Variants in ADCK1 observed in about 807,000 individuals in gnomAD.
The protein encoded by ADCK1 is aarF domain containing kinase 1.
Under a neutral mutation model 52.3 loss-of-function variants are expected in ADCK1, and 41 were observed. That is an observed-to-expected ratio of 0.78 (90% CI 0.61 to 1.02). ADCK1 has a LOEUF of 1.02. Ranked by LOEUF, ADCK1 falls within the 50% of genes least tolerant of loss-of-function variation. The probability of loss-of-function intolerance (pLI) is 0.00; values close to 1 mark genes in which losing one functional copy is unlikely to be tolerated. For missense variants in ADCK1, 658 were observed against 679.5 expected, an observed-to-expected ratio of 0.97 and a Z score of 0.35; for synonymous variants, 250 against 274.6, an observed-to-expected ratio of 0.91 and a Z score of 0.89.
At chr14:77,867,137 T>C (rs1475446375) in intron 4 of ADCK1, among the ~76,000 whole-genome samples, 1 of 152,210 alleles carries the variant, frequency 6.6e-6, no homozygotes, top group Non-Finnish European at 1.5e-5. Flanking sequence ...AGGGTCCAGC[T>C]GAGGTCAGCT....
chr14:77,859,392 CA>C (rs2082495713), intron 4 of ADCK1, 113 bp downstream of exon 4: 2 of 1,054,562 alleles, frequency 1.9e-6, no homozygotes, highest in African/African-American at 3.2e-5. Flanking sequence ...GACACAAAAC[CA>C]AATGTCACAG....
At chr14:77,926,093 G>A (rs1390858597) in intron 9 of ADCK1, 132 bp downstream of exon 9, 2 of 1,076,304 alleles carry the variant, frequency 1.9e-6, no homozygotes, top group South Asian at 1.4e-5. Flanking sequence ...GGGAAGAATT[G>A]GAGCTATATT....
At chr14:77,903,483 T>C (rs1274954144) in intron 6 of ADCK1, among the ~76,000 whole-genome samples, 6 of 152,190 alleles carry the variant, frequency 3.9e-5, no homozygotes, top group Admixed American at 2.6e-4. Flanking sequence ...AATGCAAATA[T>C]GGCGTCAGGG....
At chr14:77,887,954 A>C (rs1349175988) in intron 5 of ADCK1, among the ~76,000 whole-genome samples, 1 of 151,830 alleles carries the variant, frequency 6.6e-6, no homozygotes, top group Non-Finnish European at 1.5e-5. Flanking sequence ...CTGGACTCTT[A>C]GTTTATTCTT....
In ADCK1 at chr14:77,852,909, T is replaced by TATATATA. The variant is rs56396469; in HGVS notation, c.220-6167_220-6166insATATATA. Among the ~76,000 whole-genome samples the TATATATA allele has an allele frequency of 5.6e-3, 110 of 19,662 alleles. 1 individual carries two copies. Among genetic ancestry groups the TATATATA allele is most frequent in the African/African-American group, 0.011 (43 of 4,036 alleles). 12.9% of individuals were successfully genotyped at this position (19,662 alleles called of 152,430 possible). A position where few individuals can be genotyped will look rare whatever the true frequency, so the allele number is the denominator to read the frequency against. ...TATATATATATATATATATATATAT[T>TATATATA]TTTTTTTTTTTTTTTTTTTTTTAGA... On this transcript the variant is annotated intron_variant, in intron 3 of 10. Transcript: ENST00000238561.
chr14:77,880,750 C>G (rs1242496569), intron 4 of ADCK1, among the ~76,000 whole-genome samples: 1 of 152,202 alleles, frequency 6.6e-6, no homozygotes, highest in Non-Finnish European at 1.5e-5. Flanking sequence ...AGCACTGTCT[C>G]CAGCAGGCCC....
At chr14:77,901,767 C>G (rs138884453) in intron 6 of ADCK1, among the ~76,000 whole-genome samples, 9 of 152,382 alleles carry the variant, frequency 5.9e-5, no homozygotes, top group Middle Eastern at 3.4e-3. Flanking sequence ...TGCTACACCA[C>G]TGTTCTTCCA....
chr14:77,925,855 G>A lies in ADCK1; in HGVS notation c.1100G>A (p.Arg367Gln), dbSNP rs139097455. The A allele has an allele frequency of 1.4e-5, 23 of 1,614,210 alleles. No homozygotes were observed. Among genetic ancestry groups the A allele is most frequent in the South Asian group, 2.2e-5 (2 of 91,078 alleles). ...DMKRVKEYSQ[R>Q]LGAGDLYPLF... ...AAGAGAGTGAAGGAGTACAGCCAGC[G>A]ACTGGGAGCCGGGGATCTCTACCCC... Residue 367 changes from arginine to glutamine, a missense_variant, in exon 9 of 11, where the codon CGA becomes CAA. Coordinates refer to ENST00000238561, the MANE Select transcript of ADCK1 (RefSeq NM_020421.4).
At chr14:77,852,000 A>G (rs546584378) in intron 3 of ADCK1, among the ~76,000 whole-genome samples, 2 of 150,936 alleles carry the variant, frequency 1.3e-5, no homozygotes, top group South Asian at 4.2e-4. Flanking sequence ...GTATTTATTT[A>G]TTTAATTTTT....
chr14:77,908,855 G>A (rs2083726911), intron 7 of ADCK1, among the ~76,000 whole-genome samples: 1 of 152,162 alleles, frequency 6.6e-6, no homozygotes, highest in Non-Finnish European at 1.5e-5. Flanking sequence ...GGAGAGTGAG[G>A]AAGAGGCACT....
At chr14:77,910,474 C>T (rs978351624) in intron 7 of ADCK1, among the ~76,000 whole-genome samples, 2 of 152,004 alleles carry the variant, frequency 1.3e-5, no homozygotes, top group Non-Finnish European at 2.9e-5. Flanking sequence ...GGATGGGAGG[C>T]CACCTCTGGC....
chr14:77,811,724 G>A (rs746509098), intron 1 of ADCK1, among the ~76,000 whole-genome samples: 4 of 152,150 alleles, frequency 2.6e-5, no homozygotes, highest in Non-Finnish European at 5.9e-5. Context: ...TGGGAGGATT[G>A]CCTGAGCCCA....
chr14:77,901,324 A>G (rs1359889125), intron 6 of ADCK1, among the ~76,000 whole-genome samples: 3 of 150,326 alleles, frequency 2.0e-5, no homozygotes, highest in Admixed American at 6.6e-5. Flanking sequence ...TGCTGAGATT[A>G]CAGGTGTGAG....
chr14:77,900,619 G>A (rs1219767211), intron 6 of ADCK1: 1 of 455,906 alleles, frequency 2.2e-6, no homozygotes, highest in Admixed American at 2.4e-5. Flanking sequence ...AAAGAAATGG[G>A]ACAGAAAGTT....
At chr14:77,813,392 C>T (rs1193327256) in intron 1 of ADCK1, among the ~76,000 whole-genome samples, 1 of 152,166 alleles carries the variant, frequency 6.6e-6, no homozygotes, top group Non-Finnish European at 1.5e-5. Context: ...CTCACTGCAA[C>T]CTCCGTCTCC....
intron 4 of ADCK1, among the ~76,000 whole-genome samples, chr14:77,878,359 A>T (rs2082944486): frequency 6.6e-6 from 1 of 152,246 alleles, no homozygotes; most frequent in Admixed American, 6.5e-5. Flanking sequence ...GAGCATTTTG[A>T]AGGGACCAGA....
intron 3 of ADCK1, among the ~76,000 whole-genome samples, chr14:77,852,704 T>TATATATATATATATATATA (rs2082325559): frequency 8.3e-6 from 1 of 120,534 alleles, no homozygotes; most frequent in African/African-American, 3.1e-5. Context: ...TATATATATA[T>TATATATATATATATATATA]TTCACTCCTC....
At chr14:77,852,660 A>AATATATATATATATATATATAT (rs370053776) in intron 3 of ADCK1, among the ~76,000 whole-genome samples, 1 of 31,722 alleles carries the variant, frequency 3.2e-5, no homozygotes, top group African/African-American at 1.1e-4. Context: ...TAAATAAATA[A>AATATATATATATATATATATAT]ATATATATAT....
chr14:77,833,235 C>T (rs1594898604), intron 3 of ADCK1, among the ~76,000 whole-genome samples: 1 of 152,222 alleles, frequency 6.6e-6, no homozygotes. Flanking sequence ...ATGCGTTCCT[C>T]CTGGAGTAGT....
Sources: gnomAD v4.1 joint callset for allele counts (sites outside exome capture counted in the v4.1 genomes callset) on GRCh38, gnomAD v4.1.1 for gene constraint, MANE v1.5 for transcripts, NCBI Gene and HGNC (gene_info 2026-07-23, HGNC 2026-07-21) for gene names.